PIEZO2: variants seen among roughly 807,000 people sequenced by gnomAD.
PIEZO2 encodes piezo type mechanosensitive ion channel component 2.
Under a neutral mutation model 337.3 loss-of-function variants are expected in PIEZO2, and 172 were observed. The observed-to-expected ratio is 0.51, with a 90% CI of 0.45 to 0.58. PIEZO2 has a LOEUF of 0.58. Ranked by LOEUF, PIEZO2 falls within the 20% of genes least tolerant of loss-of-function variation. PIEZO2 has a pLI of 0.00. For synonymous variants in PIEZO2, 1,251 were observed against 1,228.5 expected (o/e 1.02, Z -0.38); for missense variants, 3,028 against 3,391.3 (o/e 0.89, Z 2.66).
In PIEZO2 at chr18:11,034,246, G is replaced by T. The variant is rs544051726; in HGVS notation, c.160+31881C>A. On this transcript the variant is annotated intron_variant, in intron 2 of 55. Coordinates refer to ENST00000674853, the MANE Select transcript of PIEZO2 (RefSeq NM_001378183.1). ...CGTTATTTTCTCTATTAAAAAATGG[G>T]TGAGAAGGAGGGAAGTCTATTTACT... 5.1e-4 allele frequency among the ~76,000 whole-genome samples: 77 copies of T among 152,048 alleles called. 1 individual carries two copies. The South Asian group carries it at 0.015, about 30-fold the overall frequency.
rs1001005378 is a variant in PIEZO2, at chr18:11,149,263, G to A, written c.-675C>T. Among the ~76,000 whole-genome samples, 1 of 151,928 alleles carries A rather than the reference G, an allele frequency of 6.6e-6. No individual in the cohort carries two copies. Among genetic ancestry groups the A allele is most frequent in the African/African-American group, 2.4e-5 (1 of 41,392 alleles). ...AGCTTCGGGCCGGAGAGACCGGGGTGGGAGCTGCCAGGCGCGCAGAACCAT... is the reference window on the plus strand; with the variant it reads ...AGCTTCGGGCCGGAGAGACCGGGGTAGGAGCTGCCAGGCGCGCAGAACCAT... On this transcript the variant is annotated 5_prime_UTR_variant, in exon 1 of 56. Coordinates refer to ENST00000674853, the MANE Select transcript of PIEZO2 (RefSeq NM_001378183.1). The surrounding 1 kb of genome is among the most constrained non-coding windows in gnomAD (Gnocchi z 8.7).
chr18:10,705,304 A>G (rs1448341898), intron 41 of PIEZO2, 32 bp downstream of exon 41: 16 of 1,482,502 alleles, frequency 1.1e-5, no homozygotes, highest in Non-Finnish European at 1.3e-5. Context: ...TGATTTGGGG[A>G]TATGTGTCTG....
chr18:10,923,034 T>C (rs1387334547), intron 3 of PIEZO2, among the ~76,000 whole-genome samples: 5 of 152,192 alleles, frequency 3.3e-5, no homozygotes, highest in East Asian at 1.9e-4. Context: ...ATTGGTTTAT[T>C]TGTCTTCTGT....
chr18:10,695,172 A>T (rs779080137), intron 47 of PIEZO2, among the ~76,000 whole-genome samples: 16 of 152,244 alleles, frequency 1.1e-4, no homozygotes, highest in Non-Finnish European at 1.6e-4. Context: ...TCATTTGTTC[A>T]TCCATGAGCA....
At chr18:10,734,517 T>C (rs945757959) in intron 35 of PIEZO2, among the ~76,000 whole-genome samples, 3 of 152,256 alleles carry the variant, frequency 2.0e-5, no homozygotes, top group African/African-American at 7.2e-5. Context: ...CAAAGCATTT[T>C]AGTGGCTGCC....
chr18:10,790,808 C>T (rs1410351584), intron 14 of PIEZO2, among the ~76,000 whole-genome samples: 1 of 151,866 alleles, frequency 6.6e-6, no homozygotes, highest in Non-Finnish European at 1.5e-5. Flanking sequence ...CAGGTTCACA[C>T]CGTTCTCTTC....
chr18:10,841,858 T>C (rs1332848078), intron 7 of PIEZO2, among the ~76,000 whole-genome samples: 3 of 152,150 alleles, frequency 2.0e-5, no homozygotes, highest in Non-Finnish European at 4.4e-5. Flanking sequence ...CACACATATA[T>C]TAATATATAC....
intron 2 of PIEZO2, among the ~76,000 whole-genome samples, chr18:11,063,394 C>T (rs2038039629): frequency 6.6e-6 from 1 of 151,308 alleles, no homozygotes. Context: ...AACTAACCTG[C>T]ACGTTGTGCA....
chr18:10,884,012 T>G (rs1171442139), intron 4 of PIEZO2, among the ~76,000 whole-genome samples: 3 of 152,010 alleles, frequency 2.0e-5, no homozygotes, highest in African/African-American at 7.3e-5. Context: ...GGGGTTTCAC[T>G]GTGTTAGCCA....
intron 1 of PIEZO2, among the ~76,000 whole-genome samples, chr18:11,100,603 CT>C (rs943655226): frequency 6.0e-5 from 9 of 149,434 alleles, no homozygotes; most frequent in Non-Finnish European, 8.9e-5. Flanking sequence ...ATTTTCACTT[CT>C]TTTTTTTTTG....
At chr18:10,868,359 T>C (rs544561147) in intron 5 of PIEZO2, among the ~76,000 whole-genome samples, 1 of 152,340 alleles carries the variant, frequency 6.6e-6, no homozygotes, top group East Asian at 1.9e-4. Flanking sequence ...ATAAATTCCC[T>C]GCTTATTTTG....
intron 32 of PIEZO2, 114 bp from the exon 33 acceptor site, chr18:10,741,216 A>G: frequency 1.1e-6 from 1 of 888,978 alleles, no homozygotes; most frequent in Non-Finnish European, 1.7e-6. Context: ...AGTATATCAG[A>G]GGTCAGGTAA....
At chr18:10,883,427 C>A (rs2042480381) in intron 4 of PIEZO2, among the ~76,000 whole-genome samples, 1 of 152,006 alleles carries the variant, frequency 6.6e-6, no homozygotes, top group Non-Finnish European at 1.5e-5. Context: ...TCACCAGCAC[C>A]TCTTGTTGCT....
chr18:10,742,734 T>G (rs2037272815), intron 31 of PIEZO2, 119 bp from the exon 32 acceptor site: 1 of 1,071,788 alleles, frequency 9.3e-7, no homozygotes, highest in Admixed American at 2.8e-5. Context: ...TACTTTGGAA[T>G]ACTTGTGAAT....
In PIEZO2 at chr18:10,982,872, T is replaced by C. The variant is rs1331711666; in HGVS notation, c.161-3212A>G. On this transcript the variant is annotated intron_variant, in intron 2 of 55. Transcript: ENST00000674853. This position sits in a 1 kb window ranked among gnomAD's most constrained non-coding sequence, Gnocchi z 4.1. ...AGTAGCTGGCATTACAGGCGTGCAC[T>C]ACCAAACCTGACTAATTTTTGTATT... 6.6e-5 allele frequency among the ~76,000 whole-genome samples: 10 copies of C among 152,036 alleles called. No homozygotes were observed.
At chr18:10,912,738 GA>G (rs1368930548) in intron 3 of PIEZO2, among the ~76,000 whole-genome samples, 1 of 152,192 alleles carries the variant, frequency 6.6e-6, no homozygotes, top group Non-Finnish European at 1.5e-5. Context: ...CTTCTCTAAG[GA>G]CTGAACTAGT....
chr18:10,758,448 TTG>T (rs756862482), intron 26 of PIEZO2, among the ~76,000 whole-genome samples: 2 of 151,568 alleles, frequency 1.3e-5, no homozygotes, highest in African/African-American at 2.4e-5. Context: ...GGTAACATTT[TTG>T]TGTGTGTGTG....
At position 10,813,254 on chromosome 18, in the gene PIEZO2, C is replaced by T. The variant is rs572679172; in HGVS notation, c.918-5980G>A. Among the ~76,000 whole-genome samples the T allele has an allele frequency of 2.6e-5, 4 of 152,334 alleles. No homozygotes were observed. In the South Asian group the frequency reaches 6.2e-4, roughly 24 times the overall value. On this transcript the variant is annotated intron_variant, in intron 7 of 55. Transcript: ENST00000674853. The surrounding 1 kb of genome is among the most constrained non-coding windows in gnomAD (Gnocchi z 4.2). ...TGGGCCTCCCAAAGTGCTGGCATTA[C>T]AGGAGTGAGCCACCGCGCCCGGGCC... is the stretch of plus-strand genomic sequence containing the variant.
chr18:10,783,295 A>G lies in PIEZO2; in HGVS notation c.2492+1489T>C, dbSNP rs2039098097. Among the ~76,000 whole-genome samples the G allele has an allele frequency of 6.6e-6, 1 of 152,210 alleles. No homozygotes were observed. Among genetic ancestry groups the G allele is most frequent in the Non-Finnish European group, 1.5e-5 (1 of 68,032 alleles). Reference sequence around the variant, plus strand: ...GTGAGGGCTTATAGTAAATTTAAACATGTTACATGGTCAGAATTAAATATC... The same window carrying G: ...GTGAGGGCTTATAGTAAATTTAAACGTGTTACATGGTCAGAATTAAATATC... On this transcript the variant is annotated intron_variant, in intron 17 of 55. Transcript: ENST00000674853. The surrounding 1 kb of genome is among the most constrained non-coding windows in gnomAD (Gnocchi z 4.3).
Sources: gnomAD v4.1 joint callset for allele counts (sites outside exome capture counted in the v4.1 genomes callset) on GRCh38, gnomAD v4.1.1 for gene constraint, Gnocchi (gnomAD v3.1) non-coding constraint, MANE v1.5 for transcripts, NCBI Gene and HGNC (gene_info 2026-07-23, HGNC 2026-07-21) for gene names.